RMDN2: variants seen among roughly 807,000 people sequenced by gnomAD.
RMDN2 encodes regulator of microtubule dynamics 2, also known as regulator of microtubule dynamics protein 2.
In RMDN2, 61 loss-of-function variants were observed where a neutral mutation model predicts 52.8. The ratio of observed to expected loss-of-function variants is 1.16; its 90% CI spans 0.94 to 1.43. The LOEUF (loss-of-function observed/expected upper bound fraction) is 1.43. Among genes scored for constraint, RMDN2 ranks in the 40% most tolerant of loss-of-function variants. The pLI, the probability that RMDN2 is intolerant of heterozygous loss-of-function variation, is 0.00. For synonymous variants in RMDN2, 180 were observed against 153.1 expected (o/e 1.18, Z -1.30); for missense variants, 592 against 475.3 (o/e 1.25, Z -2.28).
chr2:38,066,340 T>C (rs1275907977), intron 10 of RMDN2, among the ~76,000 whole-genome samples: 7 of 152,232 alleles, frequency 4.6e-5, no homozygotes, highest in Non-Finnish European at 1.0e-4. Flanking sequence ...AAGCATGAGC[T>C]GTTACCCATA....
chr2:38,064,600 C>G (rs1041350643), intron 10 of RMDN2, among the ~76,000 whole-genome samples: 2 of 152,120 alleles, frequency 1.3e-5, no homozygotes, highest in Admixed American at 1.3e-4. Flanking sequence ...TGCGACAAAA[C>G]TCACTCCCCT....
intron 10 of RMDN2, among the ~76,000 whole-genome samples, chr2:38,042,654 C>T (rs1681040495): frequency 6.6e-6 from 1 of 152,094 alleles, no homozygotes; most frequent in South Asian, 2.1e-4. Context: ...AAATTTCCCT[C>T]TAAGCACAGC....
chr2:37,941,914 G>A (rs532202943), intron 2 of RMDN2, among the ~76,000 whole-genome samples: 6 of 148,666 alleles, frequency 4.0e-5, no homozygotes, highest in East Asian at 4.0e-4. Context: ...GTTCTGTCTC[G>A]CTGGTGTTCC....
At chr2:37,960,383 C>G (rs370208437) in intron 2 of RMDN2, among the ~76,000 whole-genome samples, 5 of 151,966 alleles carry the variant, frequency 3.3e-5, no homozygotes, top group African/African-American at 9.7e-5. Context: ...TTGCACTAAT[C>G]CCCTTACCAT....
rs183185443 is a variant in RMDN2 at position 38,013,961 on chromosome 2, C to G, written c.1180-3225C>G. Among the ~76,000 whole-genome samples, 4 of 152,246 alleles carry G rather than the reference C, an allele frequency of 2.6e-5. No homozygotes were observed. In the East Asian group the frequency reaches 7.7e-4, roughly 29 times the overall value. On this transcript the variant is annotated intron_variant, in intron 10 of 10. Transcript: ENST00000354545. ...GTGGCTCACGCCTGTAATCCCAGCA[C>G]TTTGGGCGGCCGAGGCGGGCGGATC...
intron 2 of RMDN2, among the ~76,000 whole-genome samples, chr2:37,933,075 C>G (rs1010062507): frequency 4.0e-5 from 6 of 151,568 alleles, no homozygotes; most frequent in African/African-American, 7.3e-5. Context: ...GGTTGCCAGG[C>G]AGAGGGTCTC....
At chr2:37,956,728 A>T (rs1037303497) in intron 2 of RMDN2, among the ~76,000 whole-genome samples, 2 of 151,756 alleles carry the variant, frequency 1.3e-5, no homozygotes, top group South Asian at 2.1e-4. Flanking sequence ...ACATAGGTAG[A>T]CTTGTGCCAT....
intron 5 of RMDN2, among the ~76,000 whole-genome samples, chr2:37,983,353 G>C (rs1673581524): frequency 6.6e-6 from 1 of 152,168 alleles, no homozygotes; most frequent in Admixed American, 6.5e-5. Context: ...TTCCCAGTCT[G>C]TCTTCCACTA....
chr2:38,042,428 A>ACACACAC (rs1558582698), intron 10 of RMDN2, among the ~76,000 whole-genome samples: 44 of 136,658 alleles, frequency 3.2e-4, no homozygotes, highest in African/African-American at 1.4e-3. Context: ...CACACACCAC[A>ACACACAC]CACACACACA....
upstream of RMDN2, among the ~76,000 whole-genome samples, chr2:37,924,840 G>A (rs1666144073): frequency 2.0e-5 from 3 of 152,256 alleles, no homozygotes; most frequent in Admixed American, 2.0e-4. Flanking sequence ...GAAAACGTGA[G>A]ATAAAGCTAT....
At chr2:37,954,879 A>G (rs1327465985) in intron 2 of RMDN2, among the ~76,000 whole-genome samples, 2 of 152,052 alleles carry the variant, frequency 1.3e-5, no homozygotes, top group East Asian at 1.9e-4. Flanking sequence ...TCTTTCAACA[A>G]TGTTTTGTAG....
intron 10 of RMDN2, among the ~76,000 whole-genome samples, chr2:38,011,948 A>G (rs1003977666): frequency 3.9e-5 from 6 of 152,188 alleles, no homozygotes; most frequent in Admixed American, 2.0e-4. Flanking sequence ...GACTCCCAGT[A>G]GCAGCCCAAG....
intron 2 of RMDN2, chr2:37,952,018 A>T: frequency 6.2e-7 from 1 of 1,612,852 alleles, no homozygotes. Context: ...ATTCCACAGC[A>T]TCCCTCTCAA....
chr2:37,925,925 A>T (rs947844637), intron 1 of RMDN2, among the ~76,000 whole-genome samples: 1 of 152,242 alleles, frequency 6.6e-6, no homozygotes, highest in Non-Finnish European at 1.5e-5. Context: ...ACATAGGGGA[A>T]TGAGGCAAAC....
In RMDN2 at chr2:38,023,782, T is replaced by C. The variant is rs116826331; in HGVS notation, c.1713+19566T>C. Reference sequence around the variant, plus strand: ...TCATAAGGTTGGGTTTTAAAAAATATTGAGATACAATTGACATACAAAAAA... The same window carrying C: ...TCATAAGGTTGGGTTTTAAAAAATACTGAGATACAATTGACATACAAAAAA... On this transcript the variant is annotated intron_variant, in intron 10 of 10. Transcript: ENST00000234195. Among the ~76,000 whole-genome samples, 633 of 152,336 alleles carry C rather than the reference T, an allele frequency of 4.2e-3. 4 individuals carry two copies. The highest frequency in any genetic ancestry group is 0.015 in the African/African-American group (611 of 41,582).
intron 10 of RMDN2, among the ~76,000 whole-genome samples, chr2:38,060,476 G>A (rs1166562103): frequency 6.6e-6 from 1 of 152,146 alleles, no homozygotes; most frequent in Non-Finnish European, 1.5e-5. Context: ...AATGCCAACT[G>A]GATTTGCTTG....
intron 10 of RMDN2, among the ~76,000 whole-genome samples, chr2:38,031,116 A>T (rs1241750791): frequency 6.6e-6 from 1 of 152,188 alleles, no homozygotes; most frequent in Non-Finnish European, 1.5e-5. Flanking sequence ...TGGGCCTTGG[A>T]TAGGAAGTTT....
At position 37,972,418 on chromosome 2, in the gene RMDN2, A is replaced by T. The variant is rs188082375; in HGVS notation, c.453-1622A>T. ...AGCAGGAACATGACTGATATGTTCA[A>T]GGAATATCAAGGAAGTTAGAGTTTC... On this transcript the variant is annotated intron_variant, in intron 2 of 10. Transcript: ENST00000354545. 6.7e-4 allele frequency among the ~76,000 whole-genome samples: 102 copies of T among 152,312 alleles called. 1 individual carries two copies. The highest frequency in any genetic ancestry group is 3.4e-3 in the Middle Eastern group (1 of 294).
chr2:37,985,846 T>C (rs1039990382), intron 5 of RMDN2, among the ~76,000 whole-genome samples: 7 of 152,000 alleles, frequency 4.6e-5, no homozygotes, highest in Non-Finnish European at 8.8e-5. Context: ...TAGGGAAATA[T>C]GATAGAAATT....
Sources: gnomAD v4.1 joint callset for allele counts (sites outside exome capture counted in the v4.1 genomes callset) on GRCh38, gnomAD v4.1.1 for gene constraint, MANE v1.5 for transcripts, NCBI Gene and HGNC (gene_info 2026-07-23, HGNC 2026-07-21) for gene names.